The following ZC3H14 variants were observed in gnomAD, a reference collection of about 807,000 sequenced individuals.
The protein encoded by ZC3H14 is zinc finger CCCH domain-containing protein 14.
In ZC3H14, 31 loss-of-function variants were observed where a neutral mutation model predicts 92.4. That is an observed-to-expected ratio of 0.34 (90% CI 0.25 to 0.45). ZC3H14 has a LOEUF of 0.45. Ranked by LOEUF, ZC3H14 falls within the 20% of genes least tolerant of loss-of-function variation. ZC3H14 has a pLI of 1.00. For missense variants in ZC3H14, 781 were observed against 897.3 expected (o/e 0.87, Z 1.66); for synonymous variants, 321 against 300.9 (o/e 1.07, Z -0.69).
intron 2 of ZC3H14, among the ~76,000 whole-genome samples, chr14:88,566,023 A>ACCCC (rs1447798619): frequency 3.4e-4 from 1 of 2,914 alleles, no homozygotes; most frequent in African/African-American, 7.1e-4. Flanking sequence ...ACCTGCCACC[A>ACCCC]CCCCGCCCCC....
In ZC3H14 at chr14:88,625,888, G is replaced by A. The variant is rs572707604; in HGVS notation, c.*14137G>A. On this transcript the variant is annotated 3_prime_UTR_variant, in exon 17 of 17. Transcript: ENST00000251038. Reference sequence around the variant, plus strand: ...AAACAAAAAATGCACTTAGTTTTTCGATGCACCAAAGGATTTATACAGCCT... The same window carrying A: ...AAACAAAAAATGCACTTAGTTTTTCAATGCACCAAAGGATTTATACAGCCT... The A allele has an allele frequency of 5.3e-5, 8 of 152,190 alleles. No homozygotes were observed. In the South Asian group the frequency reaches 1.0e-3, roughly 20 times the overall value. The allele number at this position is 152,190 out of a possible 1,614,324, so 9.4% of individuals were successfully genotyped here.
intron 1 of ZC3H14, 119 bp from the exon 2 acceptor site, chr14:88,563,532 C>A: frequency 1.3e-6 from 2 of 1,577,586 alleles, no homozygotes; most frequent in Non-Finnish European, 8.7e-7. Context: ...CTCCTCCCAG[C>A]CCCCGCCCGG....
chr14:88,618,803 C>T lies in ZC3H14; in HGVS notation c.*7052C>T, dbSNP rs750647201. The T allele has an allele frequency of 1.6e-4, 253 of 1,582,912 alleles. No individual in the cohort carries two copies. The highest frequency in any genetic ancestry group is 2.0e-4 in the Non-Finnish European group (231 of 1,163,460). On this transcript the variant is annotated 3_prime_UTR_variant, in exon 17 of 17. Coordinates refer to ENST00000251038, the MANE Select transcript of ZC3H14 (RefSeq NM_024824.5). ...AACCTACTGCCAGATACCGGGAATC[C>T]GGACTAAATCTGAATCAAAACAAAA... is the stretch of plus-strand genomic sequence containing the variant.
chr14:88,563,716 G>A (rs753343719), intron 2 of ZC3H14, 23 bp downstream of exon 2: 1 of 1,609,000 alleles, frequency 6.2e-7, no homozygotes, highest in Admixed American at 1.7e-5. Context: ...TTGGTTGTTA[G>A]TCTTACAGAA....
Position 88,616,103 on chromosome 14 carries a change from A to G in ZC3H14, c.*4352A>G, listed in dbSNP as rs1003012609. ...TGTTGTATTAAGTCTCTTAACTAGT[A>G]ACATAGTCTGCTCTTCATGGGCTGA... On this transcript the variant is annotated 3_prime_UTR_variant, in exon 17 of 17. Transcript: ENST00000251038. The G allele has an allele frequency of 3.8e-6, 6 of 1,596,736 alleles. No homozygotes were observed. The highest frequency in any genetic ancestry group is 5.2e-6 in the Non-Finnish European group (6 of 1,164,436).
Position 88,617,013 on chromosome 14 carries a change from G to A in ZC3H14, c.*5262G>A. ...AAATACAGGAAGTAAATTATGGTAA[G>A]TTGTTTGGAGACCTGAATTTCATCA... On this transcript the variant is annotated 3_prime_UTR_variant, in exon 17 of 17. Transcript: ENST00000251038. 1.4e-6 allele frequency: 1 copy of A among 712,438 alleles called. No homozygotes were observed. Among genetic ancestry groups the A allele is most frequent in the Non-Finnish European group, 2.2e-6 (1 of 457,206 alleles). 44.1% of individuals were successfully genotyped at this position (712,438 alleles called of 1,614,324 possible). A position where few individuals can be genotyped will look rare whatever the true frequency, so the allele number is the denominator to read the frequency against.
rs1484130732 is a variant in ZC3H14, at chr14:88,613,909, G to A, written c.*2158G>A. 6.6e-6 allele frequency: 1 copy of A among 152,196 alleles called. No individual in the cohort carries two copies. Among genetic ancestry groups the A allele is most frequent in the Non-Finnish European group, 1.5e-5 (1 of 68,038 alleles). The allele number at this position is 152,196 out of a possible 1,614,324, so 9.4% of individuals were successfully genotyped here. A position where few individuals can be genotyped will look rare whatever the true frequency, so the allele number is the denominator to read the frequency against. On this transcript the variant is annotated 3_prime_UTR_variant, in exon 17 of 17. Transcript: ENST00000251038. ...CCCTCGTTGCTGGCTGATACAGCGA[G>A]GTGGTCAGCTGATGACTACTTAGTC...
At chr14:88,565,907 G>A (rs996369845) in intron 2 of ZC3H14, among the ~76,000 whole-genome samples, 1 of 150,910 alleles carries the variant, frequency 6.6e-6, no homozygotes, top group Admixed American at 6.6e-5. Context: ...TCACTCTGTG[G>A]TTCGGGCTGG....
chr14:88,579,828 A>T (rs1025335641), intron 9 of ZC3H14, among the ~76,000 whole-genome samples: 23 of 152,364 alleles, frequency 1.5e-4, no homozygotes. Flanking sequence ...AAGCATGCTG[A>T]AAGGTATACC....
chr14:88,624,659 CCCATGGGCCT>C lies in ZC3H14; in HGVS notation c.*12911_*12920del. 4.2e-6 allele frequency: 1 copy of C among 240,666 alleles called. No homozygotes were observed. Among genetic ancestry groups the C allele is most frequent in the East Asian group, 1.1e-4 (1 of 9,196 alleles). 14.9% of individuals were successfully genotyped at this position (240,666 alleles called of 1,614,324 possible). ...AAATACAACCCTGGCTCCAGATTCCCCCATGGGCCTCCTACTCAGCAAATCATACACAGGC... is the reference window on the plus strand; with the variant it reads ...AAATACAACCCTGGCTCCAGATTCCCCCTACTCAGCAAATCATACACAGGC... On this transcript the variant is annotated 3_prime_UTR_variant, in exon 17 of 17. Transcript: ENST00000251038.
At chr14:88,602,721 C>T in intron 11 of ZC3H14, 107 bp from the exon 12 acceptor site, 1 of 1,228,196 alleles carries the variant, frequency 8.1e-7, no homozygotes, top group Admixed American at 2.0e-5. Context: ...TTTATTGAAC[C>T]AAACGCAAAG....
At chr14:88,596,412 C>T (rs987213894) in intron 9 of ZC3H14, among the ~76,000 whole-genome samples, 2 of 152,108 alleles carry the variant, frequency 1.3e-5, no homozygotes, top group Non-Finnish European at 2.9e-5. Context: ...GCTGCTGGGC[C>T]ACAAGGTGCC....
rs750372665 is a variant in ZC3H14, at chr14:88,615,889, T to G, written c.*4138T>G. On this transcript the variant is annotated 3_prime_UTR_variant, in exon 17 of 17. Transcript: ENST00000251038. ...GAGAAGAAAATTGCAGGGAGTTAAT[T>G]ATGTTTTTAGATTTTCATAACAGTT... is the stretch of plus-strand genomic sequence containing the variant. 5 of 1,596,888 alleles carry G rather than the reference T, an allele frequency of 3.1e-6. No homozygotes were observed. In the Admixed American group the frequency reaches 8.7e-5, roughly 28 times the overall value.
rs2088666973 is a variant in ZC3H14, at chr14:88,620,378, A to C, written c.*8627A>C. Reference sequence around the variant, plus strand: ...AACTACATATTCCCAAACTGAGGTTACTAAGAGAAGATATGTTTGAAATCA... The same window carrying C: ...AACTACATATTCCCAAACTGAGGTTCCTAAGAGAAGATATGTTTGAAATCA... On this transcript the variant is annotated 3_prime_UTR_variant, in exon 17 of 17. Coordinates refer to ENST00000251038, the MANE Select transcript of ZC3H14 (RefSeq NM_024824.5). This position sits in a 1 kb window ranked among gnomAD's most constrained non-coding sequence, Gnocchi z 4.3. 6.0e-6 allele frequency: 1 copy of C among 165,524 alleles called. No homozygotes were observed. Among genetic ancestry groups the C allele is most frequent in the South Asian group, 2.0e-4 (1 of 4,964 alleles). 10.3% of individuals were successfully genotyped at this position (165,524 alleles called of 1,614,324 possible).
intron 10 of ZC3H14, among the ~76,000 whole-genome samples, chr14:88,597,431 C>T (rs1304071412): frequency 2.6e-5 from 4 of 152,178 alleles, no homozygotes; most frequent in Non-Finnish European, 5.9e-5. Context: ...ATGAGAGACC[C>T]GGAATCATCT....
Position 88,563,709 on chromosome 14 carries a change from G to C in ZC3H14, c.79+16G>C. The C allele has an allele frequency of 6.2e-7, 1 of 1,612,222 alleles. No homozygotes were observed. Among genetic ancestry groups the C allele is most frequent in the Non-Finnish European group, 8.5e-7 (1 of 1,178,256 alleles). On this transcript the variant is annotated intron_variant, in intron 2 of 16. Transcript: ENST00000251038. ...GCTTATGTTGGTAAGTGTTTTTTTG[G>C]TTGTTAGTCTTACAGAATTTAGAGT...
chr14:88,593,651 G>A (rs1250767166), intron 9 of ZC3H14, among the ~76,000 whole-genome samples: 2 of 152,148 alleles, frequency 1.3e-5, no homozygotes, highest in Non-Finnish European at 2.9e-5. Context: ...CACAGGTGAT[G>A]CTGGGACAAC....
intron 6 of ZC3H14, among the ~76,000 whole-genome samples, chr14:88,574,053 C>T (rs1039599132): frequency 1.8e-4 from 28 of 152,222 alleles, no homozygotes; most frequent in African/African-American, 6.3e-4. Flanking sequence ...AGATATTAAT[C>T]TTAAATTAAT....
intron 13 of ZC3H14, chr14:88,608,898 G>A (rs2140140685): frequency 3.9e-6 from 1 of 256,120 alleles, no homozygotes; most frequent in South Asian, 4.8e-5. Context: ...GTACATATAA[G>A]GAGAGTATGG....
Sources: gnomAD v4.1 joint callset for allele counts (sites outside exome capture counted in the v4.1 genomes callset) on GRCh38, gnomAD v4.1.1 for gene constraint, Gnocchi (gnomAD v3.1) non-coding constraint, MANE v1.5 for transcripts, NCBI Gene and HGNC (gene_info 2026-07-23, HGNC 2026-07-21) for gene names.